Variants in LRCH1 observed in about 807,000 individuals in gnomAD.
The protein encoded by LRCH1 is leucine rich repeats and calponin homology domain containing 1, also known as leucine-rich repeat and calponin homology domain-containing protein 1.
Under a neutral mutation model 94.9 loss-of-function variants are expected in LRCH1, and 23 were observed. That is an observed-to-expected ratio of 0.24 (90% CI 0.17 to 0.34). LRCH1 has a LOEUF of 0.34. Among genes scored for constraint, LRCH1 ranks in the 10% least tolerant of loss-of-function variants. The pLI, the probability that LRCH1 is intolerant of heterozygous loss-of-function variation, is 1.00. For synonymous variants in LRCH1, 364 were observed against 354.9 expected (o/e 1.03, Z -0.29); for missense variants, 790 against 945.9 (o/e 0.84, Z 2.16).
chr13:46,556,958 A>T (rs1160023840), intron 1 of LRCH1, among the ~76,000 whole-genome samples: 2 of 152,208 alleles, frequency 1.3e-5, no homozygotes, highest in Non-Finnish European at 2.9e-5. Context: ...GAATAGAGAG[A>T]TACATGAATA....
At chr13:46,638,596 A>G (rs1349765009) in intron 1 of LRCH1, among the ~76,000 whole-genome samples, 3 of 152,236 alleles carry the variant, frequency 2.0e-5, no homozygotes, top group African/African-American at 7.2e-5. Context: ...TGCAGGTAAA[A>G]AGGAGGATTC....
intron 2 of LRCH1, among the ~76,000 whole-genome samples, chr13:46,651,069 A>T (rs74076683): frequency 0.088 from 13,443 of 152,256 alleles, 692 homozygotes; most frequent in Middle Eastern, 0.16. Flanking sequence ...CAAATTCTAA[A>T]TCCTTTCCCC....
exon 19 of LRCH1, chr13:46,751,738 A>G (rs1177333341): frequency 6.6e-6 from 1 of 152,220 alleles, no homozygotes; most frequent in African/African-American, 2.4e-5. Flanking sequence ...GGCATAGGAA[A>G]GTGGAGATGA....
At chr13:46,632,201 TA>T (rs569633060) in intron 1 of LRCH1, among the ~76,000 whole-genome samples, 11,981 of 142,576 alleles carry the variant, frequency 0.084, 556 homozygotes, top group Middle Eastern at 0.14. Flanking sequence ...AGACTCTGTC[TA>T]AAAAAAAAAA....
intron 1 of LRCH1, among the ~76,000 whole-genome samples, chr13:46,626,298 G>A (rs898920526): frequency 6.6e-6 from 1 of 152,108 alleles, no homozygotes; most frequent in Non-Finnish European, 1.5e-5. Context: ...CCGAGCCCAA[G>A]CCAAGCCATC....
intron 3 of LRCH1, among the ~76,000 whole-genome samples, chr13:46,677,255 CAAAAAAAAAA>C: frequency 1.0e-5 from 1 of 98,058 alleles, no homozygotes; most frequent in African/African-American, 3.6e-5. Flanking sequence ...ACTAAAAATA[CAAAAAAAAAA>C]AAAAAAAAAA....
intron 1 of LRCH1, among the ~76,000 whole-genome samples, chr13:46,561,001 A>G (rs564790913): frequency 6.6e-6 from 1 of 152,342 alleles, no homozygotes; most frequent in South Asian, 2.1e-4. Context: ...CAGCCATGCA[A>G]TAGAAGGGAA....
intron 1 of LRCH1, among the ~76,000 whole-genome samples, chr13:46,610,849 C>T (rs2050740579): frequency 6.6e-6 from 1 of 152,106 alleles, no homozygotes; most frequent in Non-Finnish European, 1.5e-5. Flanking sequence ...TTCTGCACCA[C>T]CCACTACACT....
chr13:46,743,956 G>A lies in LRCH1; in HGVS notation c.*2108G>A, dbSNP rs2138255640. Reference sequence around the variant, plus strand: ...TGTGTCATTAATTTGTCTGTACTCTGCTGCGCTGCACTTCTTGGGATTTAT... The same window carrying A: ...TGTGTCATTAATTTGTCTGTACTCTACTGCGCTGCACTTCTTGGGATTTAT... On this transcript the variant is annotated 3_prime_UTR_variant, in exon 20 of 20. Transcript: ENST00000389797. 2.0e-6 allele frequency: 2 copies of A among 985,398 alleles called. No homozygotes were observed. Among genetic ancestry groups the A allele is most frequent in the Non-Finnish European group, 2.4e-6 (2 of 829,916 alleles). The allele number at this position is 985,398 out of a possible 1,614,324, so 61.0% of individuals were successfully genotyped here.
At chr13:46,698,477 C>G (rs1166509361) in intron 9 of LRCH1, among the ~76,000 whole-genome samples, 1 of 48,564 alleles carries the variant, frequency 2.1e-5, no homozygotes. Context: ...GCAGGGAGAA[C>G]ATTTGAGTGA....
At chr13:46,646,515 A>G (rs1382069751) in intron 1 of LRCH1, among the ~76,000 whole-genome samples, 4 of 152,188 alleles carry the variant, frequency 2.6e-5, no homozygotes, top group Non-Finnish European at 5.9e-5. Context: ...GTAAATATTC[A>G]TTAAAACCCA....
chr13:46,682,925 A>T (rs1336768928), intron 4 of LRCH1, among the ~76,000 whole-genome samples: 2 of 152,198 alleles, frequency 1.3e-5, no homozygotes, highest in African/African-American at 4.8e-5. Context: ...GGGGTAGTGG[A>T]TCTGCATTTG....
downstream of LRCH1, among the ~76,000 whole-genome samples, chr13:46,746,923 A>G (rs1440624392): frequency 6.6e-6 from 1 of 152,198 alleles, no homozygotes; most frequent in Non-Finnish European, 1.5e-5. Flanking sequence ...CCTTCCAACC[A>G]GCACCTCAAG....
chr13:46,685,576 A>G lies in LRCH1; in HGVS notation c.686-329A>G, dbSNP rs143693037. Among the ~76,000 whole-genome samples the G allele has an allele frequency of 1.1e-4, 17 of 152,286 alleles. No individual in the cohort carries two copies. The East Asian group carries it at 2.9e-3, about 26-fold the overall frequency. On this transcript the variant is annotated intron_variant, in intron 4 of 19. Coordinates refer to ENST00000389797, the MANE Select transcript of LRCH1 (RefSeq NM_001164211.2). The stretch of plus-strand genomic sequence containing the variant: ...GAAACAGTTTGAAGTTAAAACATAA[A>G]CATGTCCTGTGTGATGTGGCTTGCG...
At chr13:46,588,432 A>G (rs1271614092) in intron 1 of LRCH1, among the ~76,000 whole-genome samples, 2 of 152,070 alleles carry the variant, frequency 1.3e-5, no homozygotes, top group Non-Finnish European at 2.9e-5. Flanking sequence ...TTCTTTTTAT[A>G]TGTTTAAGGT....
At chr13:46,631,964 G>T (rs528019007) in intron 1 of LRCH1, among the ~76,000 whole-genome samples, 147 of 152,266 alleles carry the variant, frequency 9.7e-4, no homozygotes, top group African/African-American at 3.4e-3. Flanking sequence ...CACTTTGGGA[G>T]GCCAAAGCAG....
intron 7 of LRCH1, among the ~76,000 whole-genome samples, chr13:46,692,260 C>T (rs1870936755): frequency 6.6e-6 from 1 of 152,120 alleles, no homozygotes; most frequent in African/African-American, 2.4e-5. Context: ...GTGAACACAC[C>T]CGTATAACCA....
At chr13:46,687,521 A>T (rs1353931887) in intron 5 of LRCH1, among the ~76,000 whole-genome samples, 1 of 152,030 alleles carries the variant, frequency 6.6e-6, no homozygotes. Context: ...TGCTTTTCTC[A>T]TCTTTTGTAA....
At chr13:46,692,757 C>T in intron 8 of LRCH1, 116 bp downstream of exon 8, 1 of 706,844 alleles carries the variant, frequency 1.4e-6, no homozygotes. Context: ...TCCTATGTAC[C>T]AGGTACTGTG....
Sources: allele counts gnomAD v4.1 joint callset (sites outside exome capture counted in the v4.1 genomes callset), GRCh38; gene constraint gnomAD v4.1.1; transcripts MANE v1.5; gene names NCBI Gene and HGNC (gene_info 2026-07-23, HGNC 2026-07-21).